The following SCAI variants were observed in gnomAD, a reference collection of about 807,000 sequenced individuals.
The protein encoded by SCAI is suppressor of cancer cell invasion, also known as protein SCAI.
A neutral mutation model predicts 92.2 loss-of-function variants in SCAI; 24 were observed. The observed-to-expected ratio is 0.26, with a 90% CI of 0.19 to 0.37. The LOEUF (loss-of-function observed/expected upper bound fraction) is 0.37. Ranked by LOEUF, SCAI falls within the 10% of genes least tolerant of loss-of-function variation. The probability of loss-of-function intolerance (pLI) is 1.00; values close to 1 mark genes in which losing one functional copy is unlikely to be tolerated. For missense variants in SCAI, 450 were observed against 736.2 expected (o/e 0.61, Z 4.50); for synonymous variants, 261 against 258.6 (o/e 1.01, Z -0.09).
At chr9:124,992,895 T>G (rs1832164517) in intron 14 of SCAI, among the ~76,000 whole-genome samples, 1 of 152,236 alleles carries the variant, frequency 6.6e-6, no homozygotes, top group Admixed American at 6.5e-5. Flanking sequence ...ATGGTGTCTT[T>G]AAAAGTCGGC....
intron 3 of SCAI, among the ~76,000 whole-genome samples, chr9:125,044,321 C>G (rs149284012): frequency 6.6e-6 from 1 of 152,120 alleles, no homozygotes; most frequent in South Asian, 2.1e-4. Context: ...TTCCACCATT[C>G]AGAGCACAAA....
Position 125,026,975 on chromosome 9 carries a change from G to A in SCAI, c.414-65C>T, listed in dbSNP as rs1832976694. On this transcript the variant is annotated intron_variant, in intron 5 of 17. Transcript: ENST00000336505. Reference sequence around the variant, plus strand: ...AGACTCTTCACCATGGTAAATACTTGTTCTATATACCGCTGTATTCCTCTG... The same window carrying A: ...AGACTCTTCACCATGGTAAATACTTATTCTATATACCGCTGTATTCCTCTG... 4.3e-6 allele frequency: 4 copies of A among 926,012 alleles called. No homozygotes were observed. The South Asian group carries it at 6.1e-5, about 14-fold the overall frequency. The allele number at this position is 926,012 out of a possible 1,614,324, so 57.4% of individuals were successfully genotyped here. A position where few individuals can be genotyped will look rare whatever the true frequency, so the allele number is the denominator to read the frequency against.
intron 9 of SCAI, among the ~76,000 whole-genome samples, chr9:125,008,875 TAAAG>T (rs992713327): frequency 3.3e-5 from 5 of 151,880 alleles, no homozygotes; most frequent in African/African-American, 1.2e-4. Context: ...GCAGGATAAA[TAAAG>T]AAAACTGCAC....
intron 3 of SCAI, among the ~76,000 whole-genome samples, chr9:125,054,883 C>T (rs1833632813): frequency 6.6e-6 from 1 of 152,042 alleles, no homozygotes. Context: ...CTCTTAGGGA[C>T]ATTTCATTTT....
intron 2 of SCAI, among the ~76,000 whole-genome samples, chr9:125,108,918 A>C (rs1834874762): frequency 6.6e-6 from 1 of 152,232 alleles, no homozygotes; most frequent in Admixed American, 6.5e-5. Context: ...CAAATGGAAA[A>C]GGGGGAAATG....
chr9:125,015,842 A>C (rs1452365200), intron 9 of SCAI, among the ~76,000 whole-genome samples: 1 of 152,048 alleles, frequency 6.6e-6, no homozygotes, highest in Non-Finnish European at 1.5e-5. Context: ...ATGGAATACT[A>C]TGCGGCCATA....
At chr9:125,011,612 G>T (rs1393995008) in intron 9 of SCAI, among the ~76,000 whole-genome samples, 1 of 152,224 alleles carries the variant, frequency 6.6e-6, no homozygotes, top group Non-Finnish European at 1.5e-5. Context: ...ACACTCTGCG[G>T]ATATTATCCA....
chr9:124,965,002 G>GGT (rs1554775034), intron 17 of SCAI, among the ~76,000 whole-genome samples: 6 of 144,826 alleles, frequency 4.1e-5, no homozygotes, highest in East Asian at 2.0e-4. Context: ...TTTGTGGCAG[G>GGT]TTTTTTTTTT....
intron 2 of SCAI, among the ~76,000 whole-genome samples, chr9:125,126,158 G>A (rs1293381925): frequency 1.3e-5 from 2 of 152,224 alleles, no homozygotes; most frequent in African/African-American, 4.8e-5. Flanking sequence ...CTCAACTAGA[G>A]TAGGAGGATC....
Position 124,952,411 on chromosome 9 carries a change from A to G in SCAI, c.*396T>C, listed in dbSNP as rs73666659. On this transcript the variant is annotated 3_prime_UTR_variant, in exon 18 of 18. Coordinates refer to ENST00000336505, the MANE Select transcript of SCAI (RefSeq NM_001144877.3). Reference sequence around the variant, plus strand: ...GTAGTCCATGGTGGCTAGCTTCATCATTATGAACCATTACATATTTCCAAA... The same window carrying G: ...GTAGTCCATGGTGGCTAGCTTCATCGTTATGAACCATTACATATTTCCAAA... The G allele has an allele frequency of 6.4e-6, 1 of 155,434 alleles. No individual in the cohort carries two copies. Among genetic ancestry groups the G allele is most frequent in the East Asian group, 1.9e-4 (1 of 5,280 alleles). 9.6% of individuals were successfully genotyped at this position (155,434 alleles called of 1,614,324 possible). A position where few individuals can be genotyped will look rare whatever the true frequency, so the allele number is the denominator to read the frequency against.
At chr9:125,068,254 A>C (rs1006813831) in intron 2 of SCAI, among the ~76,000 whole-genome samples, 1 of 152,070 alleles carries the variant, frequency 6.6e-6, no homozygotes. Flanking sequence ...TAATCCTAGC[A>C]CTTTGGGAGG....
intron 2 of SCAI, among the ~76,000 whole-genome samples, chr9:125,122,036 T>C (rs928042551): frequency 2.6e-5 from 4 of 152,130 alleles, no homozygotes; most frequent in Non-Finnish European, 5.9e-5. Flanking sequence ...AGCATGTACA[T>C]GAGACAGGCA....
chr9:125,022,105 C>G (rs117436788), intron 6 of SCAI, among the ~76,000 whole-genome samples: 1 of 151,958 alleles, frequency 6.6e-6, no homozygotes, highest in Non-Finnish European at 1.5e-5. Context: ...CTTATAATTT[C>G]TTGTCTTGAT....
chr9:125,116,021 C>T (rs1835039184), intron 2 of SCAI, among the ~76,000 whole-genome samples: 1 of 152,124 alleles, frequency 6.6e-6, no homozygotes, highest in African/African-American at 2.4e-5. Flanking sequence ...ATCGTGAAAT[C>T]CCATCTCTAT....
At chr9:125,009,708 G>A (rs1227382262) in intron 9 of SCAI, among the ~76,000 whole-genome samples, 1 of 151,338 alleles carries the variant, frequency 6.6e-6, no homozygotes, top group Non-Finnish European at 1.5e-5. Flanking sequence ...GGCCAACATG[G>A]CGAAACCCTG....
chr9:125,066,583 G>A (rs1449019793), intron 2 of SCAI, among the ~76,000 whole-genome samples: 2 of 152,004 alleles, frequency 1.3e-5, no homozygotes, highest in African/African-American at 2.4e-5. Flanking sequence ...AGCCTCATGA[G>A]TAGCTGGGAC....
chr9:125,139,654 A>AT (rs958342319), intron 2 of SCAI, among the ~76,000 whole-genome samples: 115 of 152,258 alleles, frequency 7.6e-4, no homozygotes, highest in Middle Eastern at 3.4e-3. Context: ...AATAAAGGCA[A>AT]TTTTTTTATA....
At chr9:125,092,236 A>G (rs1401707074) in intron 2 of SCAI, among the ~76,000 whole-genome samples, 1 of 149,036 alleles carries the variant, frequency 6.7e-6, no homozygotes, top group East Asian at 2.0e-4. Flanking sequence ...AGGGAGGTGG[A>G]TCACTTGAGG....
chr9:125,072,413 CA>C (rs1833996132), intron 2 of SCAI, among the ~76,000 whole-genome samples: 1 of 151,800 alleles, frequency 6.6e-6, no homozygotes, highest in South Asian at 2.1e-4. Context: ...ACAAAAATAA[CA>C]ATGAAACAGT....
Sources: gnomAD v4.1 joint callset for allele counts (sites outside exome capture counted in the v4.1 genomes callset) on GRCh38, gnomAD v4.1.1 for gene constraint, MANE v1.5 for transcripts, NCBI Gene and HGNC (gene_info 2026-07-23, HGNC 2026-07-21) for gene names.